The following PRKD3 variants were observed in gnomAD, a reference collection of about 807,000 sequenced individuals.
The protein encoded by PRKD3 is protein kinase D3, also known as serine/threonine-protein kinase D3.
In PRKD3, 47 loss-of-function variants were observed where a neutral mutation model predicts 99.2. That is an observed-to-expected ratio of 0.47 (90% confidence interval 0.38 to 0.60). The LOEUF (loss-of-function observed/expected upper bound fraction) is 0.60. Ranked by LOEUF, PRKD3 falls within the 20% of genes least tolerant of loss-of-function variation. PRKD3 has a pLI of 0.00. For synonymous variants in PRKD3, 392 were observed against 355.4 expected (o/e 1.10, Z -1.16); for missense variants, 1,019 against 1,088.4 (o/e 0.94, Z 0.90).
chr2:37,308,122 T>TCTCA (rs1307791257), intron 2 of PRKD3, among the ~76,000 whole-genome samples: 1 of 152,216 alleles, frequency 6.6e-6, no homozygotes, highest in African/African-American at 2.4e-5. Flanking sequence ...AAAACATAAC[T>TCTCA]CTCATATCAT....
intron 5 of PRKD3, among the ~76,000 whole-genome samples, chr2:37,288,219 G>GT (rs1287640096): frequency 1.3e-5 from 2 of 152,080 alleles, no homozygotes; most frequent in Non-Finnish European, 2.9e-5. Flanking sequence ...TCATTCCTAG[G>GT]TAAGTTCTCT....
chr2:37,301,090 T>C (rs1670904801), intron 2 of PRKD3, among the ~76,000 whole-genome samples: 1 of 152,240 alleles, frequency 6.6e-6, no homozygotes, highest in Non-Finnish European at 1.5e-5. Flanking sequence ...TTCTGTAAAT[T>C]AGGAATTCAT....
At chr2:37,317,245 A>C (rs963746189) in intron 1 of PRKD3, 66 bp from the exon 2 acceptor site, 6 of 723,546 alleles carry the variant, frequency 8.3e-6, no homozygotes, top group Non-Finnish European at 1.0e-5. Flanking sequence ...TAAAAATAAG[A>C]ACATAACTTT....
In PRKD3 at chr2:37,324,803, C is replaced by T. The variant is rs1400026060; in HGVS notation, c.-778G>A. On this transcript the variant is annotated 5_prime_UTR_variant, in exon 1 of 19. Transcript: ENST00000234179. ...CCGCCTCCGGCGCCCCTTCCTCCCT[C>T]CCTCCCCGTCCCGTCCTGGGGCCGG... 2.0e-5 allele frequency: 3 copies of T among 150,692 alleles called. No homozygotes were observed. The highest frequency in any genetic ancestry group is 4.4e-5 in the Non-Finnish European group (3 of 67,442). The allele number at this position is 150,692 out of a possible 1,614,324, so 9.3% of individuals were successfully genotyped here.
chr2:37,293,546 T>C (rs1558563160), intron 2 of PRKD3, among the ~76,000 whole-genome samples: 1 of 152,232 alleles, frequency 6.6e-6, no homozygotes, highest in Non-Finnish European at 1.5e-5. Context: ...ATTCAGTTAC[T>C]GATGGAGAAT....
chr2:37,301,646 G>A (rs758199099), intron 2 of PRKD3, among the ~76,000 whole-genome samples: 2 of 152,044 alleles, frequency 1.3e-5, no homozygotes, highest in African/African-American at 2.4e-5. Context: ...CAAAAGGGGC[G>A]GGGGCAGAAA....
intron 5 of PRKD3, 92 bp downstream of exon 5, chr2:37,289,264 C>T (rs1341045923): frequency 7.3e-7 from 1 of 1,378,518 alleles, no homozygotes; most frequent in Non-Finnish European, 9.9e-7. Context: ...CATTCTTTAG[C>T]ATATAAATTA....
intron 6 of PRKD3, among the ~76,000 whole-genome samples, chr2:37,284,823 G>A (rs918779428): frequency 1.3e-5 from 2 of 151,818 alleles, no homozygotes; most frequent in Non-Finnish European, 2.9e-5. Context: ...TTAAGTTTTA[G>A]GGTACATGTG....
At chr2:37,307,479 G>A (rs962641275) in intron 2 of PRKD3, among the ~76,000 whole-genome samples, 1 of 152,148 alleles carries the variant, frequency 6.6e-6, no homozygotes, top group South Asian at 2.1e-4. Context: ...AAAGAATACT[G>A]ATGCTTATCT....
chr2:37,261,664 C>T (rs1668466363), intron 14 of PRKD3, among the ~76,000 whole-genome samples: 1 of 152,054 alleles, frequency 6.6e-6, no homozygotes, highest in African/African-American at 2.4e-5. Flanking sequence ...CCTGTAATCC[C>T]AGCTACTCGG....
At chr2:37,269,897 C>G (rs963432438) in intron 12 of PRKD3, among the ~76,000 whole-genome samples, 5 of 152,146 alleles carry the variant, frequency 3.3e-5, no homozygotes, top group African/African-American at 1.2e-4. Flanking sequence ...ATGTATTGTG[C>G]AAGACTTTCA....
chr2:37,265,763 T>A (rs963133670), intron 14 of PRKD3, among the ~76,000 whole-genome samples: 1 of 152,212 alleles, frequency 6.6e-6, no homozygotes, highest in South Asian at 2.1e-4. Flanking sequence ...AGAGACATCC[T>A]ACAATCTATT....
At chr2:37,259,562 A>G in intron 16 of PRKD3, 21 bp downstream of exon 16, 3 of 1,556,430 alleles carry the variant, frequency 1.9e-6, no homozygotes, top group Non-Finnish European at 2.6e-6. Context: ...ATCATTTAAA[A>G]GGTTCTGGAG....
chr2:37,290,967 G>C lies in PRKD3; in HGVS notation c.460C>G (p.Pro154Ala). 6.2e-7 allele frequency: 1 copy of C among 1,608,878 alleles called. No homozygotes were observed. The change falls in exon 4 of 19, where the codon CCA becomes GCA. Residue 154 changes from proline (P) to alanine (A), a missense_variant. Physicochemically the swap from Pro to Ala is conservative, Grantham distance 27 (BLOSUM62 -1). Coordinates refer to ENST00000234179, the MANE Select transcript of PRKD3 (RefSeq NM_005813.6). ...LATVEDFQIR[P>A]HTLYVHSYKA... ...TAAGAATGTACATAGAGAGTATGTG[G>C]ACGAATCTGGAAGTCTTCTACTGTG... is the stretch of plus-strand genomic sequence containing the variant.
chr2:37,255,084 C>T (rs1198028491), intron 17 of PRKD3, among the ~76,000 whole-genome samples: 2 of 152,188 alleles, frequency 1.3e-5, no homozygotes, highest in Non-Finnish European at 2.9e-5. Flanking sequence ...TGTCTCTATA[C>T]TACCAAACTA....
At chr2:37,287,376 C>CT (rs557974770) in intron 5 of PRKD3, among the ~76,000 whole-genome samples, 4 of 150,708 alleles carry the variant, frequency 2.7e-5, no homozygotes, top group African/African-American at 7.4e-5. Flanking sequence ...CTTTTCTTCC[C>CT]TTTTTTTTCT....
chr2:37,312,711 C>G (rs913551015), intron 2 of PRKD3, among the ~76,000 whole-genome samples: 2 of 152,110 alleles, frequency 1.3e-5, no homozygotes, highest in African/African-American at 4.8e-5. Context: ...TAAGTAACAG[C>G]GCTGTTAGCT....
rs1667410975 is a variant in PRKD3, at chr2:37,250,648, G to A, written c.*2529C>T. The A allele has an allele frequency of 6.6e-6, 1 of 152,038 alleles. No individual in the cohort carries two copies. Among genetic ancestry groups the A allele is most frequent in the African/African-American group, 2.4e-5 (1 of 41,416 alleles). The allele number at this position is 152,038 out of a possible 1,614,324, so 9.4% of individuals were successfully genotyped here. A position where few individuals can be genotyped will look rare whatever the true frequency, so the allele number is the denominator to read the frequency against. On this transcript the variant is annotated 3_prime_UTR_variant, in exon 19 of 19. Coordinates refer to ENST00000234179, the MANE Select transcript of PRKD3 (RefSeq NM_005813.6). ...AAGGTCTGGTAAAATAACACAACCA[G>A]GTCAAACTTTTCTTTGGATACTTAT...
chr2:37,312,374 T>C (rs867097491), intron 2 of PRKD3, among the ~76,000 whole-genome samples: 52 of 152,130 alleles, frequency 3.4e-4, no homozygotes, highest in African/African-American at 1.1e-3. Flanking sequence ...AGGCTGGGAG[T>C]GAAAAAAATT....
Sources: allele counts gnomAD v4.1 joint callset (sites outside exome capture counted in the v4.1 genomes callset), GRCh38; gene constraint gnomAD v4.1.1; transcripts MANE v1.5; gene names NCBI Gene and HGNC (gene_info 2026-07-23, HGNC 2026-07-21).